The following AKT3 variants were observed in gnomAD, a reference collection of about 807,000 sequenced individuals.
AKT3 encodes RAC-gamma serine/threonine-protein kinase.
Under a neutral mutation model 65.3 loss-of-function variants are expected in AKT3, and 15 were observed. The ratio of observed to expected loss-of-function variants is 0.23; its 90% confidence interval spans 0.15 to 0.35. AKT3 has a LOEUF of 0.35. Among genes scored for constraint, AKT3 ranks in the 10% least tolerant of loss-of-function variants. The pLI, the probability that AKT3 is intolerant of heterozygous loss-of-function variation, is 1.00. For synonymous variants in AKT3, 206 were observed against 183.8 expected (o/e 1.12, Z -0.98); for missense variants, 243 against 576.5 (o/e 0.42, Z 5.92).
chr1:243,504,588 G>A lies in AKT3; in HGVS notation c.*661C>T, dbSNP rs1669538883. 5.5e-6 allele frequency: 1 copy of A among 182,914 alleles called. No homozygotes were observed. 11.3% of individuals were successfully genotyped at this position (182,914 alleles called of 1,614,324 possible). A position where few individuals can be genotyped will look rare whatever the true frequency, so the allele number is the denominator to read the frequency against. ...CCGTGAAGTCTCGACATCCACATGT[G>A]ATATGGGCTTCTTCTACAGTATCCA... is the stretch of plus-strand genomic sequence containing the variant. On this transcript the variant is annotated 3_prime_UTR_variant, in exon 14 of 14. Transcript: ENST00000673466.
chr1:243,489,597 T>C (rs1665879298), intron 13 of AKT3, among the ~76,000 whole-genome samples: 4 of 152,146 alleles, frequency 2.6e-5, no homozygotes, highest in Admixed American at 2.6e-4. Flanking sequence ...CATCCTAAAT[T>C]AGCTGACTGA....
chr1:243,542,250 T>G (rs541207112), intron 12 of AKT3, among the ~76,000 whole-genome samples: 1 of 152,164 alleles, frequency 6.6e-6, no homozygotes, highest in Non-Finnish European at 1.5e-5. Context: ...CTTAAAAGCT[T>G]GAAGGTAGTT....
At chr1:243,670,841 A>G (rs1200203576) in intron 3 of AKT3, among the ~76,000 whole-genome samples, 1 of 152,162 alleles carries the variant, frequency 6.6e-6, no homozygotes, top group Non-Finnish European at 1.5e-5. Context: ...TGAGCCACAG[A>G]TGACAAAGTC....
intron 2 of AKT3, among the ~76,000 whole-genome samples, chr1:243,763,034 C>T (rs2148250590): frequency 6.6e-6 from 1 of 152,024 alleles, no homozygotes; most frequent in South Asian, 2.1e-4. Flanking sequence ...ACTAGCTATA[C>T]AAAATTGTAC....
At chr1:243,837,863 C>T (rs1694990485) in intron 2 of AKT3, among the ~76,000 whole-genome samples, 1 of 152,104 alleles carries the variant, frequency 6.6e-6, no homozygotes, top group South Asian at 2.1e-4. Context: ...TTTTATTCAA[C>T]AATGTACTGG....
At chr1:243,850,295 A>AGGC (rs34490111), upstream of AKT3, among the ~76,000 whole-genome samples, 56,256 of 118,068 alleles carry the variant, frequency 0.48, 14,259 homozygotes, top group Middle Eastern at 0.67. Context: ...CTGGAGCGGG[A>AGGC]GGCGGCGGCG....
chr1:243,634,337 T>C (rs771375957), intron 6 of AKT3, among the ~76,000 whole-genome samples: 2 of 152,198 alleles, frequency 1.3e-5, no homozygotes, highest in African/African-American at 2.4e-5. Flanking sequence ...CAACTGCATA[T>C]ACTGTGTTTT....
At chr1:243,650,796 G>C (rs1369167121) in intron 4 of AKT3, among the ~76,000 whole-genome samples, 1 of 152,116 alleles carries the variant, frequency 6.6e-6, no homozygotes, top group South Asian at 2.1e-4. Flanking sequence ...TGCTGTTTTT[G>C]TTACTGTAGC....
At chr1:243,516,653 G>GAGCAATCCTCCTGCCTCAGCCTCCTGA (rs1315070620) in intron 12 of AKT3, among the ~76,000 whole-genome samples, 6 of 151,986 alleles carry the variant, frequency 3.9e-5, no homozygotes, top group African/African-American at 9.6e-5. Context: ...TCCTGGCCTC[G>GAGCAATCCTCCTGCCTCAGCCTCCTGA]AGCAATCCTC....
At chr1:243,535,229 A>C (rs1374744389) in intron 12 of AKT3, among the ~76,000 whole-genome samples, 1 of 150,286 alleles carries the variant, frequency 6.7e-6, no homozygotes, top group East Asian at 1.9e-4. Context: ...ATATTTTAAA[A>C]ATTTCAATAG....
At chr1:243,703,880 T>A (rs1685632165) in intron 2 of AKT3, among the ~76,000 whole-genome samples, 1 of 152,196 alleles carries the variant, frequency 6.6e-6, no homozygotes, top group South Asian at 2.1e-4. Context: ...ATGTAACTTT[T>A]TAAAGTGATT....
At chr1:243,656,103 C>A (rs77474505) in intron 4 of AKT3, among the ~76,000 whole-genome samples, 1 of 17,206 alleles carries the variant, frequency 5.8e-5, no homozygotes, top group Non-Finnish European at 1.1e-4. Flanking sequence ...GAGGGTGTGG[C>A]GGGGGGGTGT....
intron 12 of AKT3, among the ~76,000 whole-genome samples, chr1:243,540,849 C>T (rs1193213784): frequency 1.3e-5 from 2 of 152,082 alleles, no homozygotes; most frequent in African/African-American, 4.8e-5. Context: ...GAATGTCCCT[C>T]CCTGTGAGTT....
chr1:243,622,867 T>C lies in AKT3; in HGVS notation c.562-7706A>G, dbSNP rs1572046530. ...TCACGTTAAGAGATTTCAGTTAAGA[T>C]CCACCAGTAAGAACTTAAGAGTCCA... On this transcript the variant is annotated intron_variant, in intron 6 of 13. Coordinates refer to ENST00000673466, the MANE Select transcript of AKT3 (RefSeq NM_005465.7). Among the ~76,000 whole-genome samples the C allele has an allele frequency of 3.3e-5, 5 of 152,274 alleles. No homozygotes were observed. In the South Asian group the frequency reaches 8.3e-4, roughly 25 times the overall value.
At chr1:243,830,860 C>G (rs567547643) in intron 2 of AKT3, among the ~76,000 whole-genome samples, 2 of 152,190 alleles carry the variant, frequency 1.3e-5, no homozygotes, top group Non-Finnish European at 2.9e-5. Context: ...CTGGGACAAT[C>G]AGGGTACAAC....
chr1:243,523,044 G>C (rs1670819783), intron 12 of AKT3, among the ~76,000 whole-genome samples: 1 of 152,056 alleles, frequency 6.6e-6, no homozygotes, highest in African/African-American at 2.4e-5. Context: ...TTTAAAAGCT[G>C]AGGAGGAAGA....
intron 4 of AKT3, among the ~76,000 whole-genome samples, chr1:243,661,712 A>C (rs1436773724): frequency 6.6e-6 from 1 of 150,398 alleles, no homozygotes; most frequent in East Asian, 2.0e-4. Context: ...AATGGGATCT[A>C]ATTAAACTAA....
At position 243,672,467 on chromosome 1, in the gene AKT3, C is replaced by T. The variant is rs182327282; in HGVS notation, c.173-7584G>A. Among the ~76,000 whole-genome samples the T allele has an allele frequency of 1.5e-3, 233 of 152,350 alleles. 2 individuals carry two copies. Among genetic ancestry groups the T allele is most frequent in the African/African-American group, 5.5e-3 (228 of 41,578 alleles). On this transcript the variant is annotated intron_variant, in intron 3 of 13. Coordinates refer to ENST00000673466, the MANE Select transcript of AKT3 (RefSeq NM_005465.7). ...CCCAAACTCAACATATCTCTCTCCACATAAGCAAATAGGAGAGAAGACAAA... is the reference window on the plus strand; with the variant it reads ...CCCAAACTCAACATATCTCTCTCCATATAAGCAAATAGGAGAGAAGACAAA...
At chr1:243,754,150 C>T (rs910754084) in intron 2 of AKT3, among the ~76,000 whole-genome samples, 2 of 152,140 alleles carry the variant, frequency 1.3e-5, no homozygotes, top group African/African-American at 4.8e-5. Flanking sequence ...AAGTAAAAGA[C>T]CATGTCTTAA....
Sources: gnomAD v4.1 joint callset for allele counts (sites outside exome capture counted in the v4.1 genomes callset) on GRCh38, gnomAD v4.1.1 for gene constraint, MANE v1.5 for transcripts, NCBI Gene and HGNC (gene_info 2026-07-23, HGNC 2026-07-21) for gene names.